The following ELAPOR2 variants were observed in gnomAD, a reference collection of about 807,000 sequenced individuals.
ELAPOR2 encodes the protein endosome-lysosome associated apoptosis and autophagy regulator family member 2.
Under a neutral mutation model 120.7 loss-of-function variants are expected in ELAPOR2, and 89 were observed. The ratio of observed to expected loss-of-function variants is 0.74; its 90% CI spans 0.62 to 0.88. ELAPOR2 has a LOEUF of 0.88. Among genes scored for constraint, ELAPOR2 ranks in the 40% least tolerant of loss-of-function variants. ELAPOR2 has a pLI of 0.00. For missense variants in ELAPOR2, 1,134 were observed against 1,251.6 expected, an observed-to-expected ratio of 0.91 and a Z score of 1.42; for synonymous variants, 444 against 444.9, an observed-to-expected ratio of 1.00 and a Z score of 0.03.
chr7:86,991,278 T>G (rs908784344), intron 1 of ELAPOR2, among the ~76,000 whole-genome samples: 1 of 152,136 alleles, frequency 6.6e-6, no homozygotes. Context: ...TATTTTACAG[T>G]TGAAGGAACA....
intron 1 of ELAPOR2, among the ~76,000 whole-genome samples, chr7:87,015,375 G>A (rs1793833863): frequency 6.6e-6 from 1 of 152,118 alleles, no homozygotes. Flanking sequence ...TTTAATCCTA[G>A]CTCTTTCCTA....
chr7:86,916,292 G>A (rs1332855962), intron 12 of ELAPOR2, among the ~76,000 whole-genome samples: 1 of 152,190 alleles, frequency 6.6e-6, no homozygotes, highest in Non-Finnish European at 1.5e-5. Context: ...ACTGAAAGGA[G>A]TAAGAGAGAG....
chr7:86,996,840 C>A (rs1459930274), intron 1 of ELAPOR2, among the ~76,000 whole-genome samples: 1 of 152,162 alleles, frequency 6.6e-6, no homozygotes, highest in Non-Finnish European at 1.5e-5. Flanking sequence ...CTGGCAAACA[C>A]TAATCTTTTT....
chr7:86,894,172 A>G (rs1179807548), intron 19 of ELAPOR2, among the ~76,000 whole-genome samples: 2 of 152,136 alleles, frequency 1.3e-5, no homozygotes, highest in Non-Finnish European at 2.9e-5. Flanking sequence ...AGTTTTGGAT[A>G]GGAAATTTCA....
intron 1 of ELAPOR2, among the ~76,000 whole-genome samples, chr7:87,023,991 T>C (rs1029207713): frequency 6.6e-6 from 1 of 152,184 alleles, no homozygotes; most frequent in Non-Finnish European, 1.5e-5. Flanking sequence ...TTTCTAGATA[T>C]ACAATCATGT....
In ELAPOR2 at chr7:86,876,978, T is replaced by C. The variant is rs1469922735; in HGVS notation, c.*3493A>G. The C allele has an allele frequency of 6.6e-6, 1 of 152,176 alleles. No individual in the cohort carries two copies. The highest frequency in any genetic ancestry group is 1.5e-5 in the Non-Finnish European group (1 of 68,022). 9.4% of individuals were successfully genotyped at this position (152,176 alleles called of 1,614,324 possible). On this transcript the variant is annotated 3_prime_UTR_variant, in exon 22 of 22. Transcript: ENST00000450689. ...CCATTTACATTTTGTATGTGGTTGC[T>C]TTCATACTACAATGGCAGAGTTGAG...
Position 87,043,835 on chromosome 7 carries a change from C to T in ELAPOR2, c.189+15490G>A, listed in dbSNP as rs1442030733. The stretch of plus-strand genomic sequence containing the variant: ...AAGTCAAATTGTCCCTGTTTGCAGA[C>T]GACATGACTGTATATCTAGAAAACC... On this transcript the variant is annotated intron_variant, in intron 1 of 21. Transcript: ENST00000450689. Among the ~76,000 whole-genome samples the T allele has an allele frequency of 2.5e-4, 38 of 151,366 alleles. 1 individual carries two copies. Among genetic ancestry groups the T allele is most frequent in the East Asian group, 1.5e-3 (8 of 5,162 alleles).
At chr7:86,995,535 A>T (rs1251720558) in intron 1 of ELAPOR2, among the ~76,000 whole-genome samples, 1 of 152,218 alleles carries the variant, frequency 6.6e-6, no homozygotes, top group African/African-American at 2.4e-5. Context: ...TGGTTTTGCT[A>T]TTAATATAAC....
At chr7:86,964,342 G>T (rs1391864239) in intron 2 of ELAPOR2, among the ~76,000 whole-genome samples, 1 of 151,974 alleles carries the variant, frequency 6.6e-6, no homozygotes. Context: ...TTATAATGTT[G>T]TACTTCAAAC....
chr7:86,895,710 C>T (rs1788407114), intron 19 of ELAPOR2, among the ~76,000 whole-genome samples: 1 of 152,072 alleles, frequency 6.6e-6, no homozygotes. Flanking sequence ...ACTGTCTTAA[C>T]CTTCTCATCA....
At chr7:86,983,826 A>G (rs940346981) in intron 1 of ELAPOR2, among the ~76,000 whole-genome samples, 4 of 152,220 alleles carry the variant, frequency 2.6e-5, no homozygotes, top group African/African-American at 9.7e-5. Flanking sequence ...GATCAAATTC[A>G]CACACAACAA....
chr7:86,901,267 GATTGCCTT>G (rs1788712376), intron 18 of ELAPOR2, among the ~76,000 whole-genome samples: 1 of 152,154 alleles, frequency 6.6e-6, no homozygotes, highest in South Asian at 2.1e-4. Context: ...TTACTTCTGG[GATTGCCTT>G]ATGAATCTGG....
Position 86,909,741 on chromosome 7 carries a change from A to G in ELAPOR2, c.2359+71T>C, listed in dbSNP as rs1203579187. 4.6e-6 allele frequency: 6 copies of G among 1,314,694 alleles called. No individual in the cohort carries two copies. In the East Asian group the frequency reaches 1.4e-4, roughly 31 times the overall value. The allele number at this position is 1,314,694 out of a possible 1,614,324, so 81.4% of individuals were successfully genotyped here. A position where few individuals can be genotyped will look rare whatever the true frequency, so the allele number is the denominator to read the frequency against. Reference sequence around the variant, plus strand: ...AATCATCTATAGCAAACACCAATACAATGACAAGTTATTCATAGCATAATT... The same window carrying G: ...AATCATCTATAGCAAACACCAATACGATGACAAGTTATTCATAGCATAATT... On this transcript the variant is annotated intron_variant, in intron 16 of 21. Coordinates refer to ENST00000450689, the MANE Select transcript of ELAPOR2 (RefSeq NM_001142749.3).
At chr7:86,970,197 T>C (rs1415694636) in intron 1 of ELAPOR2, among the ~76,000 whole-genome samples, 1 of 152,088 alleles carries the variant, frequency 6.6e-6, no homozygotes, top group Non-Finnish European at 1.5e-5. Flanking sequence ...CAGTTAATTA[T>C]CAAGATACAG....
intron 2 of ELAPOR2, among the ~76,000 whole-genome samples, chr7:86,961,574 T>C (rs934874201): frequency 1.3e-5 from 2 of 152,196 alleles, no homozygotes; most frequent in African/African-American, 4.8e-5. Flanking sequence ...AGAGAGAACA[T>C]AGCCCAGGAA....
chr7:87,023,409 G>T (rs1016400507), intron 1 of ELAPOR2, among the ~76,000 whole-genome samples: 14 of 152,132 alleles, frequency 9.2e-5, no homozygotes, highest in Admixed American at 9.2e-4. Flanking sequence ...GCTCTGTTCT[G>T]TTCCATTGGT....
At chr7:87,000,907 A>C (rs1793295723) in intron 1 of ELAPOR2, among the ~76,000 whole-genome samples, 1 of 133,482 alleles carries the variant, frequency 7.5e-6, no homozygotes, top group South Asian at 2.2e-4. Flanking sequence ...GACTAGATGT[A>C]TGACCTGGGA....
chr7:86,897,731 G>A, intron 18 of ELAPOR2, 99 bp from the exon 19 acceptor site: 1 of 1,337,756 alleles, frequency 7.5e-7, no homozygotes. Flanking sequence ...ATGCTGGGGA[G>A]CACTGTGTGG....
At chr7:87,010,875 A>G (rs143617470) in intron 1 of ELAPOR2, among the ~76,000 whole-genome samples, 10 of 152,260 alleles carry the variant, frequency 6.6e-5, no homozygotes, top group African/African-American at 2.2e-4. Context: ...ATAATTTTAC[A>G]TTGTCCAAGT....
Sources: gnomAD v4.1 joint callset for allele counts (sites outside exome capture counted in the v4.1 genomes callset) on GRCh38, gnomAD v4.1.1 for gene constraint, MANE v1.5 for transcripts, NCBI Gene and HGNC (gene_info 2026-07-23, HGNC 2026-07-21) for gene names.